PFKFB3: variants seen among roughly 807,000 people sequenced by gnomAD.
The protein encoded by PFKFB3 is 6-phosphofructo-2-kinase/fructose-2,6-biphosphatase 3, also known as 6-phosphofructo-2-kinase/fructose-2,6-bisphosphatase 3.
Under a neutral mutation model 68.0 loss-of-function variants are expected in PFKFB3, and 33 were observed. The ratio of observed to expected loss-of-function variants is 0.49; its 90% CI spans 0.37 to 0.65. The LOEUF is 0.65. Among genes scored for constraint, PFKFB3 ranks in the 30% least tolerant of loss-of-function variants. The probability of loss-of-function intolerance (pLI) is 0.00; values close to 1 mark genes in which losing one functional copy is unlikely to be tolerated. For missense variants in PFKFB3, 586 were observed against 712.2 expected, an observed-to-expected ratio of 0.82 and a Z score of 2.02; for synonymous variants, 315 against 288.2, an observed-to-expected ratio of 1.09 and a Z score of -0.94.
At chr10:6,158,265 G>T (rs1038881000) in intron 1 of PFKFB3, among the ~76,000 whole-genome samples, 1 of 151,892 alleles carries the variant, frequency 6.6e-6, no homozygotes, top group African/African-American at 2.4e-5. Context: ...CTCCAGCCTG[G>T]GGGGACAGAG....
intron 1 of PFKFB3, among the ~76,000 whole-genome samples, chr10:6,151,094 C>T (rs767352264): frequency 6.6e-6 from 1 of 152,114 alleles, no homozygotes; most frequent in Non-Finnish European, 1.5e-5. Flanking sequence ...GACGGTGGAC[C>T]AGGACAGCAG....
Position 6,182,702 on chromosome 10 carries a change from T to G in PFKFB3, c.17-30921T>G, listed in dbSNP as rs1047902353. Among the ~76,000 whole-genome samples the G allele has an allele frequency of 2.6e-5, 4 of 152,268 alleles. No homozygotes were observed. The East Asian group carries it at 7.7e-4, about 29-fold the overall frequency. ...GGCTTGTGCCACACCAGGCTAAGAA[T>G]CAGAGCCTGGGTGTGGGGGCAGGGG... On this transcript the variant is annotated intron_variant, in intron 1 of 14. Transcript: ENST00000379789.
intron 1 of PFKFB3, among the ~76,000 whole-genome samples, chr10:6,209,765 CTTTTT>C (rs56822740): frequency 1.6e-4 from 19 of 121,246 alleles, no homozygotes; most frequent in Middle Eastern, 4.7e-3. Context: ...CTTACCTTTT[CTTTTT>C]TTTTTTTTTT....
intron 1 of PFKFB3, among the ~76,000 whole-genome samples, chr10:6,194,189 C>T (rs1276335199): frequency 1.3e-5 from 2 of 151,688 alleles, no homozygotes; most frequent in South Asian, 2.1e-4. Flanking sequence ...ACGTCCCCAG[C>T]CACCTACCGC....
At chr10:6,182,869 G>T (rs920572189) in intron 1 of PFKFB3, among the ~76,000 whole-genome samples, 5 of 152,224 alleles carry the variant, frequency 3.3e-5, no homozygotes, top group Non-Finnish European at 7.3e-5. Flanking sequence ...AGACAGAGCA[G>T]TGCCCTTCCC....
the PFKFB3 span, among the ~76,000 whole-genome samples, chr10:6,322,087 T>C: frequency 5.3e-5 from 8 of 152,230 alleles, no homozygotes; most frequent in Non-Finnish European, 1.0e-4. Context: ...TGTTGACATA[T>C]TCAGTTGCTG....
chr10:6,308,902 A>G, the PFKFB3 span, among the ~76,000 whole-genome samples: 1 of 152,222 alleles, frequency 6.6e-6, no homozygotes, highest in African/African-American at 2.4e-5. Context: ...GCCAAAAAGA[A>G]ACTAGCAATT....
Position 6,215,314 on chromosome 10 carries a change from G to A in PFKFB3, c.296G>A (p.Arg99Gln), listed in dbSNP as rs36005730. ...GACAATGAGGAAGCCATGAAAGTCC[G>A]GAAGTAAGGCTGGGCCGCGGGCGTA... ...RPDNEEAMKV[R>Q]KQCALAALRD... The change falls in exon 3 of 15, where the codon CGG becomes CAG. Residue 99 changes from arginine to glutamine, a missense_variant. Physicochemically the swap from Arg to Gln is conservative, Grantham distance 43 (BLOSUM62 1). Coordinates refer to ENST00000379775, the MANE Select transcript of PFKFB3 (RefSeq NM_004566.4). This position sits in a 1 kb window ranked among gnomAD's most constrained non-coding sequence, Gnocchi z 4.3. The A allele has an allele frequency of 3.7e-6, 6 of 1,613,244 alleles. No individual in the cohort carries two copies. Among genetic ancestry groups the A allele is most frequent in the African/African-American group, 1.3e-5 (1 of 74,974 alleles).
At chr10:6,262,300 A>G in the PFKFB3 span, among the ~76,000 whole-genome samples, 24 of 150,646 alleles carry the variant, frequency 1.6e-4, no homozygotes, top group South Asian at 2.1e-3. Flanking sequence ...TAAAAATACA[A>G]AAAATTAGCC....
intron 1 of PFKFB3, among the ~76,000 whole-genome samples, chr10:6,206,524 G>C (rs1423281733): frequency 7.5e-6 from 1 of 133,140 alleles, no homozygotes; most frequent in Non-Finnish European, 1.5e-5. Context: ...TCCCAGTAGG[G>C]GCGGCCGGGC....
At chr10:6,222,286 C>A (rs74959156) in intron 10 of PFKFB3, among the ~76,000 whole-genome samples, 202 of 152,348 alleles carry the variant, frequency 1.3e-3, no homozygotes, top group South Asian at 2.1e-3. Context: ...GGAGCAGGAG[C>A]TTTTCTGGTC....
upstream of PFKFB3, chr10:6,202,848 A>T (rs112157022): frequency 9.8e-7 from 1 of 1,016,244 alleles, no homozygotes; most frequent in African/African-American, 1.7e-5. Context: ...CTGGGACCCA[A>T]GGAATGCGGC....
At chr10:6,144,991 C>A in exon 1 of PFKFB3, 1 of 1,320,936 alleles carries the variant, frequency 7.6e-7, no homozygotes, top group Non-Finnish European at 9.7e-7. Flanking sequence ...GGAGCGCCCC[C>A]GGCGCGATGC....
chr10:6,188,129 AT>A (rs1248357925), intron 1 of PFKFB3, among the ~76,000 whole-genome samples: 2 of 149,992 alleles, frequency 1.3e-5, no homozygotes, highest in African/African-American at 2.5e-5. Context: ...CCCAGCCCCT[AT>A]TTTTTTTTCT....
chr10:6,314,412 T>C, the PFKFB3 span, among the ~76,000 whole-genome samples: 6 of 152,224 alleles, frequency 3.9e-5, no homozygotes, highest in African/African-American at 1.4e-4. Flanking sequence ...TTTGTCTCTG[T>C]CTGTGTCTGT....
chr10:6,158,366 C>T (rs1014227050), intron 1 of PFKFB3, among the ~76,000 whole-genome samples: 1 of 152,080 alleles, frequency 6.6e-6, no homozygotes, highest in African/African-American at 2.4e-5. Context: ...AGAAACTTCA[C>T]CTCTTTAGTG....
Position 6,215,126 on chromosome 10 carries a change from TG to T in PFKFB3, c.203-93del. 9.9e-7 allele frequency: 1 copy of T among 1,009,592 alleles called. No homozygotes were observed. The highest frequency in any genetic ancestry group is 1.5e-6 in the Non-Finnish European group (1 of 647,468). 62.5% of individuals were successfully genotyped at this position (1,009,592 alleles called of 1,614,324 possible). A position where few individuals can be genotyped will look rare whatever the true frequency, so the allele number is the denominator to read the frequency against. On this transcript the variant is annotated intron_variant, in intron 2 of 14. Coordinates refer to ENST00000379775, the MANE Select transcript of PFKFB3 (RefSeq NM_004566.4). This position sits in a 1 kb window ranked among gnomAD's most constrained non-coding sequence, Gnocchi z 4.3. Reference sequence around the variant, plus strand: ...CTCATTCAAGTCGGTGTGGTTGGCCTGGTGGCTCTTCCTTTGGTCGATCCTA... The same window carrying T: ...CTCATTCAAGTCGGTGTGGTTGGCCTGTGGCTCTTCCTTTGGTCGATCCTA...
At chr10:6,181,474 A>G (rs1842710570) in intron 1 of PFKFB3, among the ~76,000 whole-genome samples, 1 of 152,254 alleles carries the variant, frequency 6.6e-6, no homozygotes, top group Non-Finnish European at 1.5e-5. Context: ...ATATGCTACA[A>G]CATACATCAG....
In PFKFB3 at chr10:6,221,752, G is replaced by C. The variant is rs766672837; in HGVS notation, c.1083+7G>C. 6.4e-7 allele frequency: 1 copy of C among 1,573,118 alleles called. No homozygotes were observed. Among genetic ancestry groups the C allele is most frequent in the Non-Finnish European group, 8.6e-7 (1 of 1,156,312 alleles). On this transcript the variant is annotated splice_region_variant and intron_variant, in intron 10 of 14. Transcript: ENST00000379775. Reference sequence around the variant, plus strand: ...CCGCTACCCCACCGGGGAGGTGAGCGCAGGCTGGGGCGGGCTGACGGTCCC... The same window carrying C: ...CCGCTACCCCACCGGGGAGGTGAGCCCAGGCTGGGGCGGGCTGACGGTCCC...
Sources: gnomAD v4.1 joint callset for allele counts (sites outside exome capture counted in the v4.1 genomes callset) on GRCh38, gnomAD v4.1.1 for gene constraint, Gnocchi (gnomAD v3.1) non-coding constraint, MANE v1.5 for transcripts, NCBI Gene and HGNC (gene_info 2026-07-23, HGNC 2026-07-21) for gene names.